Variants in FHOD3 observed in about 807,000 individuals in gnomAD.
The protein encoded by FHOD3 is formin homology 2 domain containing 3.
In FHOD3, 90 loss-of-function variants were observed where a neutral mutation model predicts 173.0. The ratio of observed to expected loss-of-function variants is 0.52; its 90% confidence interval spans 0.44 to 0.62. The LOEUF (loss-of-function observed/expected upper bound fraction) is 0.62. Among genes scored for constraint, FHOD3 ranks in the 20% least tolerant of loss-of-function variants. FHOD3 has a pLI of 0.00. For missense variants in FHOD3, 1,945 were observed against 2,034.7 expected (o/e 0.96, Z 0.85); for synonymous variants, 828 against 823.0 (o/e 1.01, Z -0.10).
chr18:36,388,452 T>C (rs897416856), intron 3 of FHOD3, among the ~76,000 whole-genome samples: 1 of 152,180 alleles, frequency 6.6e-6, no homozygotes, highest in African/African-American at 2.4e-5. Flanking sequence ...CCAGTTGTGT[T>C]CATGTCCATC....
chr18:36,392,079 C>T (rs2048328711), intron 3 of FHOD3, among the ~76,000 whole-genome samples: 1 of 152,144 alleles, frequency 6.6e-6, no homozygotes, highest in Non-Finnish European at 1.5e-5. Context: ...TGGAGCTGGC[C>T]CTCCTGGTTC....
At chr18:36,696,637 C>T (rs986218234) in intron 17 of FHOD3, among the ~76,000 whole-genome samples, 7 of 152,156 alleles carry the variant, frequency 4.6e-5, no homozygotes, top group Admixed American at 2.6e-4. Flanking sequence ...TGAATGATGC[C>T]CCTAATCCCC....
intron 9 of FHOD3, among the ~76,000 whole-genome samples, chr18:36,619,933 G>A (rs372405046): frequency 1.2e-4 from 18 of 152,158 alleles, no homozygotes; most frequent in Non-Finnish European, 2.5e-4. Context: ...AAGGAGGCTG[G>A]GTGGCTACAG....
chr18:36,642,629 A>G (rs1009337404), intron 10 of FHOD3, among the ~76,000 whole-genome samples: 23 of 151,410 alleles, frequency 1.5e-4, no homozygotes, highest in African/African-American at 5.3e-4. Flanking sequence ...TCCTAATTGT[A>G]CAGAGTTGGG....
intron 27 of FHOD3, among the ~76,000 whole-genome samples, chr18:36,767,192 A>G (rs544658527): frequency 6.6e-6 from 1 of 152,324 alleles, no homozygotes; most frequent in East Asian, 1.9e-4. Flanking sequence ...AAACTGGCCT[A>G]ATAGCAAGTA....
Position 36,652,789 on chromosome 18 carries a change from A to G in FHOD3, c.1506A>G (p.Thr502=). ...PASAARPSSA[T]PGSLKVSPTI... ...CAGCTGCTCGGCCCTCCTCCGCCAC[A>G]CCAGGCTCCCTGAAGGTGTCACCGA... Residue 502 remains threonine, a synonymous_variant, in exon 12 of 29, where the codon ACA becomes ACG. Coordinates refer to ENST00000590592, the MANE Select transcript of FHOD3 (RefSeq NM_001281740.3). 1 of 1,535,922 alleles carries G rather than the reference A, an allele frequency of 6.5e-7. No homozygotes were observed. Among genetic ancestry groups the G allele is most frequent in the Non-Finnish European group, 8.7e-7 (1 of 1,146,726 alleles).
At chr18:36,613,493 C>T (rs896025071) in intron 9 of FHOD3, among the ~76,000 whole-genome samples, 2 of 152,182 alleles carry the variant, frequency 1.3e-5, no homozygotes, top group Non-Finnish European at 2.9e-5. Context: ...AGGGGCAGAT[C>T]TGAAGATGTG....
At chr18:36,707,000 A>T (rs959053871) in intron 17 of FHOD3, among the ~76,000 whole-genome samples, 1 of 152,218 alleles carries the variant, frequency 6.6e-6, no homozygotes, top group African/African-American at 2.4e-5. Context: ...TTATCAGATG[A>T]AAAAGAAATT....
intron 2 of FHOD3, among the ~76,000 whole-genome samples, chr18:36,361,308 C>G (rs573603151): frequency 2.6e-5 from 4 of 152,218 alleles, no homozygotes; most frequent in African/African-American, 9.6e-5. Flanking sequence ...GCCCTGCACA[C>G]CAGTTCCAGG....
rs1374617020 is a variant in FHOD3 at position 36,502,875 on chromosome 18, A to G, written c.405+876A>G. On this transcript the variant is annotated intron_variant, in intron 4 of 28. Coordinates refer to ENST00000590592, the MANE Select transcript of FHOD3 (RefSeq NM_001281740.3). ...CTGTATACATATGTGATCATGTTGC[A>G]TATATATCCTACTTCTGCTTACTGA... is the stretch of plus-strand genomic sequence containing the variant. Among the ~76,000 whole-genome samples the G allele has an allele frequency of 2.0e-5, 3 of 152,234 alleles. No homozygotes were observed. The East Asian group carries it at 5.8e-4, about 29-fold the overall frequency.
At chr18:36,755,561 A>G (rs1482760588) in intron 25 of FHOD3, among the ~76,000 whole-genome samples, 4 of 152,030 alleles carry the variant, frequency 2.6e-5, no homozygotes, top group African/African-American at 7.2e-5. Context: ...CATGGAACCC[A>G]TTTTGGTGTG....
At chr18:36,537,050 T>G (rs949309261) in intron 5 of FHOD3, among the ~76,000 whole-genome samples, 3 of 152,194 alleles carry the variant, frequency 2.0e-5, no homozygotes, top group African/African-American at 7.2e-5. Flanking sequence ...ATTTTCCTTT[T>G]GTTTTAAAGC....
At chr18:36,310,282 T>C (rs550895612) in intron 1 of FHOD3, among the ~76,000 whole-genome samples, 6 of 152,320 alleles carry the variant, frequency 3.9e-5, no homozygotes, top group South Asian at 2.1e-4. Flanking sequence ...TCCTTTATTA[T>C]GATGATGGGC....
intron 2 of FHOD3, among the ~76,000 whole-genome samples, chr18:36,367,979 G>C (rs958534866): frequency 3.3e-5 from 5 of 151,686 alleles, no homozygotes; most frequent in Non-Finnish European, 5.9e-5. Flanking sequence ...CTTCCACCAT[G>C]ATGGTGAATT....
rs187147527 is a variant in FHOD3, at chr18:36,452,995, C to T, written c.338-48937C>T. ...TCTTTGTTTACAATGTCTACAATGT[C>T]TACTACATAGACATCTCTTTGAGGT... On this transcript the variant is annotated intron_variant, in intron 3 of 28. Transcript: ENST00000590592. Among the ~76,000 whole-genome samples the T allele has an allele frequency of 2.6e-5, 4 of 152,132 alleles. No individual in the cohort carries two copies. The East Asian group carries it at 7.7e-4, about 29-fold the overall frequency.
intron 14 of FHOD3, among the ~76,000 whole-genome samples, chr18:36,659,386 T>C (rs1393104934): frequency 6.6e-6 from 1 of 152,222 alleles, no homozygotes; most frequent in Non-Finnish European, 1.5e-5. Flanking sequence ...CACCATTACC[T>C]GTCTGTAGTT....
chr18:36,726,316 A>C (rs2149859547), intron 19 of FHOD3, among the ~76,000 whole-genome samples: 1 of 152,280 alleles, frequency 6.6e-6, no homozygotes, highest in East Asian at 1.9e-4. Context: ...CAGGTAGAAG[A>C]TACAAGAGGT....
chr18:36,652,781 T>A lies in FHOD3; in HGVS notation c.1498T>A (p.Ser500Thr). The stretch of plus-strand genomic sequence containing the variant: ...CCCTGCCTCAGCTGCTCGGCCCTCC[T>A]CCGCCACACCAGGCTCCCTGAAGGT... ...SPPASAARPS[S>T]ATPGSLKVSP... The change falls in exon 12 of 29, where the codon TCC (serine) becomes ACC (threonine). Residue 500 changes from serine (S) to threonine (T), a missense_variant. Ser to Thr is a moderately conservative substitution (Grantham distance 58). Around this residue, in one of 5 missense-constraint regions of FHOD3, gnomAD observed 1,099 missense variants for 1,051.2 expected, o/e 1.05. Coordinates refer to ENST00000590592, the MANE Select transcript of FHOD3 (RefSeq NM_001281740.3). 2 of 1,535,876 alleles carry A rather than the reference T, an allele frequency of 1.3e-6. No homozygotes were observed. The highest frequency in any genetic ancestry group is 1.7e-6 in the Non-Finnish European group (2 of 1,146,694).
intron 2 of FHOD3, among the ~76,000 whole-genome samples, chr18:36,366,356 GGAGA>G (rs1324827076): frequency 6.6e-6 from 1 of 152,090 alleles, no homozygotes; most frequent in Non-Finnish European, 1.5e-5. Context: ...ATGGAACGAG[GGAGA>G]GAAAGTGGCT....
Sources: allele counts gnomAD v4.1 joint callset (sites outside exome capture counted in the v4.1 genomes callset), GRCh38; gene constraint gnomAD v4.1.1; regional missense constraint gnomAD v4.1.1; transcripts MANE v1.5; gene names NCBI Gene and HGNC (gene_info 2026-07-23, HGNC 2026-07-21).